Variants in SLA2 observed in about 807,000 individuals in gnomAD.
The protein encoded by SLA2 is src-like-adapter 2.
Under a neutral mutation model 27.3 loss-of-function variants are expected in SLA2, and 22 were observed. The ratio of observed to expected loss-of-function variants is 0.81; its 90% CI spans 0.58 to 1.15. SLA2 has a LOEUF of 1.15. Ranked by LOEUF, SLA2 falls within the 50% of genes most tolerant of loss-of-function variation. SLA2 has a pLI of 0.00. For missense variants in SLA2, 304 were observed against 322.2 expected (o/e 0.94, Z 0.43); for synonymous variants, 131 against 137.8 (o/e 0.95, Z 0.34).
intron 5 of SLA2, chr20:36,620,384 A>T (rs564903264): frequency 5.6e-6 from 1 of 177,774 alleles, no homozygotes; most frequent in Non-Finnish European, 1.2e-5. Flanking sequence ...CTGTCTCAAA[A>T]AAATAAAATA....
At chr20:36,631,618 G>T (rs1269210121) in intron 5 of SLA2, among the ~76,000 whole-genome samples, 2 of 152,154 alleles carry the variant, frequency 1.3e-5, no homozygotes, top group African/African-American at 4.8e-5. Context: ...TTGGCTCTTG[G>T]CATTGGAGGG....
chr20:36,617,227 TGTG>T (rs2039223469), intron 5 of SLA2, among the ~76,000 whole-genome samples: 1 of 146,748 alleles, frequency 6.8e-6, no homozygotes, highest in Admixed American at 6.8e-5. Flanking sequence ...ATTAGCCAGG[TGTG>T]GTGGTGTGCG....
intron 5 of SLA2, among the ~76,000 whole-genome samples, chr20:36,616,353 C>T (rs1237461710): frequency 4.5e-5 from 6 of 132,884 alleles, no homozygotes; most frequent in Non-Finnish European, 6.2e-5. Flanking sequence ...TTTTTGGAGA[C>T]AGAGTCTCCC....
intron 5 of SLA2, among the ~76,000 whole-genome samples, chr20:36,624,213 G>A (rs1054288747): frequency 1.3e-5 from 2 of 152,096 alleles, no homozygotes; most frequent in Admixed American, 6.6e-5. Context: ...GCAGGAAGGA[G>A]GGGTCAGGTC....
chr20:36,641,424 A>C, intron 1 of SLA2, 46 bp from the exon 2 acceptor site: 2 of 1,120,476 alleles, frequency 1.8e-6, no homozygotes, highest in South Asian at 2.6e-5. Flanking sequence ...CTTCTGGCCC[A>C]ATCTCAGATA....
In SLA2 at chr20:36,613,836, T is replaced by G. The variant is rs2039170942; in HGVS notation, c.*30A>C. ...GAATTGGGGTTCTAGGTGTGCAGCC[T>G]TGGTTTCCCTTTTGGCCTCTCCTTT... On this transcript the variant is annotated 3_prime_UTR_variant, in exon 8 of 8. Transcript: ENST00000262866. 1 of 1,382,092 alleles carries G rather than the reference T, an allele frequency of 7.2e-7. No homozygotes were observed. Among genetic ancestry groups the G allele is most frequent in the Non-Finnish European group, 9.7e-7 (1 of 1,034,302 alleles). 85.6% of individuals were successfully genotyped at this position (1,382,092 alleles called of 1,614,324 possible). A position where few individuals can be genotyped will look rare whatever the true frequency, so the allele number is the denominator to read the frequency against.
intron 2 of SLA2, among the ~76,000 whole-genome samples, chr20:36,636,685 C>T (rs113927790): frequency 1.3e-5 from 2 of 148,370 alleles, no homozygotes; most frequent in African/African-American, 5.0e-5. Context: ...CAGTGGCTCA[C>T]GCCTGTAATC....
Position 36,613,296 on chromosome 20 carries a change from C to G in SLA2, c.*570G>C, listed in dbSNP as rs1317275974. The G allele has an allele frequency of 1.3e-5, 2 of 152,432 alleles. No individual in the cohort carries two copies. Among genetic ancestry groups the G allele is most frequent in the Non-Finnish European group, 2.9e-5 (2 of 68,220 alleles). The allele number at this position is 152,432 out of a possible 1,614,324, so 9.4% of individuals were successfully genotyped here. On this transcript the variant is annotated 3_prime_UTR_variant, in exon 8 of 8. Coordinates refer to ENST00000262866, the MANE Select transcript of SLA2 (RefSeq NM_032214.4). ...GACCTAGACTGTCCGAAGTCTTTCT[C>G]TTTGCTCTGGAGGTCACATAGAGCC...
chr20:36,636,623 A>ATATATATAT (rs1555793206), intron 2 of SLA2, among the ~76,000 whole-genome samples: 1 of 114,686 alleles, frequency 8.7e-6, no homozygotes, highest in African/African-American at 4.0e-5. Context: ...AAAAAAAAAA[A>ATATATATAT]ATATATATAT....
At chr20:36,645,549 T>A (rs1345287795) in intron 1 of SLA2, among the ~76,000 whole-genome samples, 2 of 152,054 alleles carry the variant, frequency 1.3e-5, no homozygotes, top group Non-Finnish European at 2.9e-5. Context: ...GGGCCCAAAG[T>A]CACACAGCAA....
chr20:36,637,715 C>T (rs1027985669), intron 2 of SLA2, among the ~76,000 whole-genome samples: 1 of 147,066 alleles, frequency 6.8e-6, no homozygotes, highest in Non-Finnish European at 1.5e-5. Context: ...CAATCTTGAC[C>T]TCCTGGGTTC....
intron 1 of SLA2, among the ~76,000 whole-genome samples, chr20:36,641,629 C>G (rs560900608): frequency 6.6e-6 from 1 of 152,178 alleles, no homozygotes; most frequent in African/African-American, 2.4e-5. Flanking sequence ...TGCTTGGGTC[C>G]CTCCGATGGG....
intron 5 of SLA2, among the ~76,000 whole-genome samples, chr20:36,622,335 A>AAC (rs1482699773): frequency 2.6e-5 from 4 of 151,084 alleles, no homozygotes; most frequent in African/African-American, 9.8e-5. Context: ...CAGCCTGGGC[A>AAC]ACAGAGCGAG....
Position 36,618,449 on chromosome 20 carries a change from G to C in SLA2, c.383-3075C>G, listed in dbSNP as rs964295671. ...GATGGGGTTTCACTATGTTGGCCAGGTTGGTCTTGAACTCCTGACCTTGTG... is the reference window on the plus strand; with the variant it reads ...GATGGGGTTTCACTATGTTGGCCAGCTTGGTCTTGAACTCCTGACCTTGTG... On this transcript the variant is annotated intron_variant, in intron 5 of 7. Coordinates refer to ENST00000262866, the MANE Select transcript of SLA2 (RefSeq NM_032214.4). 2.0e-5 allele frequency among the ~76,000 whole-genome samples: 3 copies of C among 151,750 alleles called. No individual in the cohort carries two copies. The East Asian group carries it at 6.0e-4, about 30-fold the overall frequency.
intron 6 of SLA2, chr20:36,614,898 T>C (rs1878626360): frequency 3.0e-6 from 3 of 985,256 alleles, no homozygotes; most frequent in East Asian, 2.3e-4. Context: ...AGAGTCAGGA[T>C]TGAATCCCAC....
At chr20:36,639,107 A>G (rs2039481011) in intron 2 of SLA2, among the ~76,000 whole-genome samples, 1 of 152,188 alleles carries the variant, frequency 6.6e-6, no homozygotes. Flanking sequence ...CGGCCTCCCA[A>G]AGTGCTAGGA....
At position 36,634,599 on chromosome 20, in the gene SLA2, G is replaced by A. The variant is rs1164645873; in HGVS notation, c.92-10C>T. 1.1e-5 allele frequency: 17 copies of A among 1,578,298 alleles called. No individual in the cohort carries two copies. Among genetic ancestry groups the A allele is most frequent in the Non-Finnish European group, 1.5e-5 (17 of 1,153,016 alleles). On this transcript the variant is annotated splice_polypyrimidine_tract_variant and intron_variant, in intron 2 of 7. Transcript: ENST00000262866. ...GTGGCCTTGCTTCTCTCTAGATGGA[G>A]GGACAGAAATAGTCACCTACTTAGC...
At chr20:36,627,942 G>T (rs1166582541) in intron 5 of SLA2, among the ~76,000 whole-genome samples, 1 of 152,178 alleles carries the variant, frequency 6.6e-6, no homozygotes, top group Non-Finnish European at 1.5e-5. Flanking sequence ...GCTGATCCTG[G>T]CATCACTCAC....
intron 5 of SLA2, among the ~76,000 whole-genome samples, chr20:36,631,532 G>C (rs1219979211): frequency 6.6e-6 from 1 of 152,220 alleles, no homozygotes; most frequent in Non-Finnish European, 1.5e-5. Flanking sequence ...ATGACAGCCA[G>C]ACTGCTAGAC....
Sources: gnomAD v4.1 joint callset for allele counts (sites outside exome capture counted in the v4.1 genomes callset) on GRCh38, gnomAD v4.1.1 for gene constraint, MANE v1.5 for transcripts, NCBI Gene and HGNC (gene_info 2026-07-23, HGNC 2026-07-21) for gene names.